Variants in FER observed in about 807,000 individuals in gnomAD.
The protein encoded by FER is FER tyrosine kinase, also known as tyrosine-protein kinase Fer.
A neutral mutation model predicts 111.0 loss-of-function variants in FER; 63 were observed. That is an observed-to-expected ratio of 0.57 (90% CI 0.46 to 0.70). FER has a LOEUF of 0.70. Ranked by LOEUF, FER falls within the 30% of genes least tolerant of loss-of-function variation. FER has a pLI of 0.00. For synonymous variants in FER, 327 were observed against 313.9 expected (o/e 1.04, Z -0.44); for missense variants, 914 against 954.0 (o/e 0.96, Z 0.55).
Position 109,187,655 on chromosome 5 carries a change from T to TTATACCACATTA in FER, c.*81_*92dup. 6.8e-7 allele frequency: 1 copy of TTATACCACATTA among 1,474,536 alleles called. No homozygotes were observed. The highest frequency in any genetic ancestry group is 1.2e-5 in the South Asian group (1 of 83,664). 91.3% of individuals were successfully genotyped at this position (1,474,536 alleles called of 1,614,324 possible). A position where few individuals can be genotyped will look rare whatever the true frequency, so the allele number is the denominator to read the frequency against. On this transcript the variant is annotated 3_prime_UTR_variant, in exon 20 of 20. Transcript: ENST00000281092. Reference sequence around the variant, plus strand: ...ATTATTGTTCTCATTAACAATGAATTTATACCACATTACCTTCGACAGTCT... The same window carrying TTATACCACATTA: ...ATTATTGTTCTCATTAACAATGAATTTATACCACATTATATACCACATTACCTTCGACAGTCT...
In FER at chr5:108,883,410, C is replaced by T. The variant is rs771543690; in HGVS notation, c.938C>T (p.Ala313Val). 15 of 1,604,048 alleles carry T rather than the reference C, an allele frequency of 9.4e-6. No homozygotes were observed. The South Asian group carries it at 1.3e-4, about 14-fold the overall frequency. Residue 313 changes from alanine to valine, a missense_variant, in exon 9 of 20, where the codon GCG (alanine) becomes GTG (valine). By Grantham distance (64) the Ala-to-Val change is moderately conservative. Transcript: ENST00000281092. ...GTTTATTCTAGGTTGAAAACGTTAG[C>T]GGAAGAACTTATGCAAACACAGCAG... ...ESLQVMLKTLAEELMQTQQML... is the reference protein window; with the variant it reads ...ESLQVMLKTLVEELMQTQQML...
chr5:108,984,608 T>C (rs1213071217), intron 13 of FER, among the ~76,000 whole-genome samples: 1 of 152,038 alleles, frequency 6.6e-6, no homozygotes, highest in Non-Finnish European at 1.5e-5. Context: ...TTATATTTCA[T>C]TGAATATAAT....
chr5:108,748,806 C>T (rs1159622206), intron 1 of FER, among the ~76,000 whole-genome samples: 5 of 152,314 alleles, frequency 3.3e-5, no homozygotes, highest in South Asian at 2.1e-4. Flanking sequence ...GGGCTGAGGG[C>T]CGGGCGGCTG....
chr5:108,831,742 G>A (rs1439193067), intron 3 of FER, among the ~76,000 whole-genome samples: 6 of 152,142 alleles, frequency 3.9e-5, no homozygotes, highest in Non-Finnish European at 8.8e-5. Flanking sequence ...TTTTGCTTTA[G>A]ATGCTTATGA....
At chr5:109,178,447 T>C (rs1757944532) in intron 17 of FER, among the ~76,000 whole-genome samples, 1 of 148,622 alleles carries the variant, frequency 6.7e-6, no homozygotes, top group African/African-American at 2.6e-5. Context: ...CTATAAAACA[T>C]AGATATTACT....
chr5:109,039,825 G>A (rs1375774054), intron 14 of FER, among the ~76,000 whole-genome samples: 2 of 152,050 alleles, frequency 1.3e-5, no homozygotes, highest in Non-Finnish European at 2.9e-5. Context: ...GAATGAAATG[G>A]CGAGCTGGTG....
chr5:109,053,305 C>T (rs1437296206), intron 16 of FER, among the ~76,000 whole-genome samples: 2 of 151,264 alleles, frequency 1.3e-5, no homozygotes, highest in Admixed American at 6.6e-5. Context: ...ATCGCTTGAA[C>T]CCAGAAGGCA....
intron 4 of FER, among the ~76,000 whole-genome samples, chr5:108,833,563 ATAAG>A (rs1760276537): frequency 6.6e-6 from 1 of 152,052 alleles, no homozygotes; most frequent in Non-Finnish European, 1.5e-5. Context: ...TATAGCTAAA[ATAAG>A]TGATCTTGTT....
At chr5:108,780,366 A>T (rs1292648230) in intron 2 of FER, among the ~76,000 whole-genome samples, 1 of 144,796 alleles carries the variant, frequency 6.9e-6, no homozygotes, top group African/African-American at 2.7e-5. Flanking sequence ...AAGGTACATA[A>T]TTCTAGGTTA....
chr5:108,940,907 C>A (rs1179149591), intron 10 of FER, among the ~76,000 whole-genome samples: 3 of 152,128 alleles, frequency 2.0e-5, no homozygotes, highest in African/African-American at 7.2e-5. Flanking sequence ...CCTTCCCAAA[C>A]TGATTCTCTG....
chr5:108,760,948 TG>T (rs1425697570), intron 1 of FER, among the ~76,000 whole-genome samples: 18 of 150,978 alleles, frequency 1.2e-4, no homozygotes, highest in African/African-American at 3.2e-4. Context: ...TTTTTTTTTT[TG>T]AGATGGAGTC....
At chr5:109,004,141 A>T (rs1765194689) in intron 13 of FER, among the ~76,000 whole-genome samples, 1 of 152,340 alleles carries the variant, frequency 6.6e-6, no homozygotes, top group Non-Finnish European at 1.5e-5. Context: ...TTTCTGAATG[A>T]CAGTTGGGCA....
At chr5:109,039,145 C>T (rs918015790) in intron 14 of FER, among the ~76,000 whole-genome samples, 3 of 151,676 alleles carry the variant, frequency 2.0e-5, no homozygotes, top group African/African-American at 7.3e-5. Flanking sequence ...AGACAATTAG[C>T]CATGATTCCT....
At chr5:108,846,345 G>C (rs1580847110) in intron 5 of FER, among the ~76,000 whole-genome samples, 3 of 151,988 alleles carry the variant, frequency 2.0e-5, no homozygotes, top group African/African-American at 7.2e-5. Context: ...GGCTGAGAAG[G>C]GGGAGGATCG....
intron 17 of FER, among the ~76,000 whole-genome samples, chr5:109,114,832 T>C (rs1374409659): frequency 1.3e-5 from 2 of 152,040 alleles, no homozygotes; most frequent in Non-Finnish European, 2.9e-5. Context: ...TCATTTCCAC[T>C]CCCCCTCTCA....
At chr5:108,782,450 G>A (rs1754195308) in intron 2 of FER, among the ~76,000 whole-genome samples, 1 of 151,922 alleles carries the variant, frequency 6.6e-6, no homozygotes, top group African/African-American at 2.4e-5. Flanking sequence ...GTTCACATGA[G>A]CAAAATATTT....
At chr5:109,140,483 A>G (rs1431308938) in intron 17 of FER, among the ~76,000 whole-genome samples, 3 of 152,220 alleles carry the variant, frequency 2.0e-5, no homozygotes, top group Non-Finnish European at 1.5e-5. Context: ...TGAAATAGAA[A>G]AACAAAATTA....
intron 10 of FER, among the ~76,000 whole-genome samples, chr5:108,938,973 A>G (rs776987305): frequency 2.0e-5 from 3 of 152,066 alleles, no homozygotes; most frequent in Non-Finnish European, 4.4e-5. Context: ...GTAATACATT[A>G]TTAAGACTCT....
chr5:109,072,682 A>C (rs1426917802), intron 16 of FER, among the ~76,000 whole-genome samples: 3 of 152,016 alleles, frequency 2.0e-5, no homozygotes, highest in East Asian at 3.9e-4. Flanking sequence ...AATCTGCTCG[A>C]AGATGAGCAT....
Sources: gnomAD v4.1 joint callset for allele counts (sites outside exome capture counted in the v4.1 genomes callset) on GRCh38, gnomAD v4.1.1 for gene constraint, MANE v1.5 for transcripts, NCBI Gene and HGNC (gene_info 2026-07-23, HGNC 2026-07-21) for gene names.